The following CNTN4 variants were observed in gnomAD, a reference collection of about 807,000 sequenced individuals.
CNTN4 encodes the protein contactin-4.
Under a neutral mutation model 122.5 loss-of-function variants are expected in CNTN4, and 77 were observed. The observed-to-expected ratio is 0.63, with a 90% CI of 0.52 to 0.76. The LOEUF (loss-of-function observed/expected upper bound fraction) is 0.76. Ranked by LOEUF, CNTN4 falls within the 30% of genes least tolerant of loss-of-function variation. The pLI is 0.00. For missense variants in CNTN4, 1,256 were observed against 1,259.1 expected (o/e 1.00, Z 0.04); for synonymous variants, 512 against 447.0 (o/e 1.15, Z -1.83).
At chr3:2,652,020 TG>T (rs1204404124) in intron 4 of CNTN4, among the ~76,000 whole-genome samples, 12 of 151,510 alleles carry the variant, frequency 7.9e-5, no homozygotes, top group Admixed American at 6.6e-4. Flanking sequence ...AAAAAGGTGT[TG>T]TTTTTTTTTT....
intron 2 of CNTN4, among the ~76,000 whole-genome samples, chr3:2,257,499 G>A (rs1312153734): frequency 2.0e-5 from 3 of 151,998 alleles, no homozygotes; most frequent in African/African-American, 7.2e-5. Flanking sequence ...AGAGTGAACA[G>A]GCAACACAGT....
At chr3:2,508,733 G>A (rs560439835) in intron 3 of CNTN4, among the ~76,000 whole-genome samples, 1 of 152,256 alleles carries the variant, frequency 6.6e-6, no homozygotes, top group South Asian at 2.1e-4. Flanking sequence ...AGGTAAAATA[G>A]CAGGTTCTAC....
intron 13 of CNTN4, among the ~76,000 whole-genome samples, chr3:2,967,721 T>C (rs1692470140): frequency 6.6e-6 from 1 of 152,190 alleles, no homozygotes; most frequent in African/African-American, 2.4e-5. Context: ...AACTTACCCA[T>C]GATTAATCAG....
At chr3:2,683,531 C>G (rs2085275074) in intron 4 of CNTN4, among the ~76,000 whole-genome samples, 1 of 151,992 alleles carries the variant, frequency 6.6e-6, no homozygotes, top group South Asian at 2.1e-4. Context: ...AACATTTAGA[C>G]CAGTGCCTTA....
chr3:2,612,806 A>G (rs4370012), intron 4 of CNTN4, among the ~76,000 whole-genome samples: 71,150 of 151,948 alleles, frequency 0.47, 17,398 homozygotes, highest in Middle Eastern at 0.54. Context: ...AAATCCAACT[A>G]TGCAAACTTA....
chr3:2,611,844 G>A (rs1237045025), intron 4 of CNTN4, among the ~76,000 whole-genome samples: 1 of 152,116 alleles, frequency 6.6e-6, no homozygotes, highest in Non-Finnish European at 1.5e-5. Context: ...CTCTTATACA[G>A]GTGGCTATAC....
intron 3 of CNTN4, among the ~76,000 whole-genome samples, chr3:2,421,266 T>TC (rs1282413136): frequency 2.0e-5 from 3 of 150,812 alleles, no homozygotes; most frequent in African/African-American, 4.9e-5. Flanking sequence ...TTTTTTTTTT[T>TC]CCTTGACTAG....
intron 2 of CNTN4, among the ~76,000 whole-genome samples, chr3:2,312,236 A>T (rs2042941974): frequency 6.6e-6 from 1 of 152,052 alleles, no homozygotes; most frequent in Non-Finnish European, 1.5e-5. Context: ...TGGAAAGAAC[A>T]TGAATCACAA....
intron 2 of CNTN4, among the ~76,000 whole-genome samples, chr3:2,150,417 A>T (rs1219508748): frequency 1.3e-5 from 2 of 151,966 alleles, no homozygotes; most frequent in East Asian, 1.9e-4. Flanking sequence ...TTTCCTTGCA[A>T]TTTTTTTGGA....
At chr3:2,396,773 C>G (rs1559516948) in intron 3 of CNTN4, among the ~76,000 whole-genome samples, 1 of 151,592 alleles carries the variant, frequency 6.6e-6, no homozygotes, top group Non-Finnish European at 1.5e-5. Flanking sequence ...TAATTTGGTT[C>G]CATGAATTAT....
chr3:2,687,037 T>G (rs1168595455), intron 4 of CNTN4, among the ~76,000 whole-genome samples: 1 of 152,132 alleles, frequency 6.6e-6, no homozygotes, highest in Non-Finnish European at 1.5e-5. Flanking sequence ...AAGCCACAGG[T>G]GGCCATGACT....
At chr3:2,484,871 C>T (rs568221270) in intron 3 of CNTN4, among the ~76,000 whole-genome samples, 227 of 152,290 alleles carry the variant, frequency 1.5e-3, no homozygotes, top group African/African-American at 5.0e-3. Flanking sequence ...CTGGGCTGGC[C>T]GAGGCTGAGC....
intron 3 of CNTN4, among the ~76,000 whole-genome samples, chr3:2,523,588 A>G (rs1457385083): frequency 6.6e-6 from 1 of 151,994 alleles, no homozygotes; most frequent in Non-Finnish European, 1.5e-5. Context: ...AGCTGAAGGG[A>G]CATGACCTTG....
intron 6 of CNTN4, among the ~76,000 whole-genome samples, chr3:2,799,256 T>C (rs1282956197): frequency 6.6e-6 from 1 of 152,190 alleles, no homozygotes; most frequent in Non-Finnish European, 1.5e-5. Flanking sequence ...GTTGGATGCA[T>C]AGTTTGCAGT....
At chr3:2,383,929 T>C (rs1474557077) in intron 3 of CNTN4, among the ~76,000 whole-genome samples, 1 of 152,098 alleles carries the variant, frequency 6.6e-6, no homozygotes, top group Admixed American at 6.6e-5. Context: ...GTCAAACCAT[T>C]AAGTTGGAGA....
At position 2,367,163 on chromosome 3, in the gene CNTN4, A is replaced by G. The variant is rs1273061260; in HGVS notation, c.-89+27930A>G. On this transcript the variant is annotated intron_variant, in intron 3 of 24. Transcript: ENST00000418658. ...GTTTCTAGCATAAACAACAAAATGA[A>G]TAAACTACACAAAATTACAGAAAAA... 3.3e-5 allele frequency among the ~76,000 whole-genome samples: 5 copies of G among 152,298 alleles called. No homozygotes were observed. The South Asian group carries it at 8.3e-4, about 25-fold the overall frequency.
chr3:2,191,916 T>C (rs901928819), intron 2 of CNTN4, among the ~76,000 whole-genome samples: 2 of 151,928 alleles, frequency 1.3e-5, no homozygotes, highest in Non-Finnish European at 2.9e-5. Context: ...TGTCTGATGT[T>C]CCCCTTCCTG....
chr3:2,399,760 A>T (rs1196480755), intron 3 of CNTN4, among the ~76,000 whole-genome samples: 1 of 151,998 alleles, frequency 6.6e-6, no homozygotes, highest in Non-Finnish European at 1.5e-5. Flanking sequence ...TTAATAATGG[A>T]TTTGGTCTGT....
chr3:2,773,741 C>G (rs556740526), intron 6 of CNTN4, among the ~76,000 whole-genome samples: 25 of 149,762 alleles, frequency 1.7e-4, no homozygotes, highest in East Asian at 5.9e-4. Flanking sequence ...AATAATGAAG[C>G]CTTCATCTCA....
Sources: gnomAD v4.1 joint callset for allele counts (sites outside exome capture counted in the v4.1 genomes callset) on GRCh38, gnomAD v4.1.1 for gene constraint, MANE v1.5 for transcripts, NCBI Gene and HGNC (gene_info 2026-07-23, HGNC 2026-07-21) for gene names.